Variants in SLC4A4 observed in about 807,000 individuals in gnomAD.
SLC4A4 encodes electrogenic sodium bicarbonate cotransporter 1.
In SLC4A4, 27 loss-of-function variants were observed where a neutral mutation model predicts 111.5. That is an observed-to-expected ratio of 0.24 (90% confidence interval 0.18 to 0.33). SLC4A4 has a LOEUF of 0.33. Ranked by LOEUF, SLC4A4 falls within the 10% of genes least tolerant of loss-of-function variation. The pLI is 1.00. For missense variants in SLC4A4, 909 were observed against 1,315.5 expected (o/e 0.69, Z 4.78); for synonymous variants, 443 against 463.4 (o/e 0.96, Z 0.57).
chr4:71,550,408 CAGG>C (rs1735883710), intron 20 of SLC4A4, among the ~76,000 whole-genome samples: 1 of 151,846 alleles, frequency 6.6e-6, no homozygotes, highest in Non-Finnish European at 1.5e-5. Context: ...AAAGTCAATA[CAGG>C]AAGAAGCAGA....
chr4:71,552,722 G>A (rs1003672698), intron 20 of SLC4A4, among the ~76,000 whole-genome samples: 3 of 151,604 alleles, frequency 2.0e-5, no homozygotes, highest in African/African-American at 7.3e-5. Flanking sequence ...GGTATGATTG[G>A]TTATCCATAA....
In SLC4A4 at chr4:71,356,198, G is replaced by A. The variant is rs141163092; in HGVS notation, c.551-810G>A. Among the ~76,000 whole-genome samples, 581 of 152,200 alleles carry A rather than the reference G, an allele frequency of 3.8e-3. 4 individuals are homozygous for A. Among genetic ancestry groups the A allele is most frequent in the African/African-American group, 0.013 (558 of 41,514 alleles). On this transcript the variant is annotated intron_variant, in intron 5 of 25. Transcript: ENST00000264485. ...AAAGAGGGTTTCTTATTTTCTATTG[G>A]CATAAGAACTTACCTTCCAGCAGAG... is the stretch of plus-strand genomic sequence containing the variant.
At chr4:71,415,008 G>A (rs1395099499) in intron 7 of SLC4A4, among the ~76,000 whole-genome samples, 1 of 152,196 alleles carries the variant, frequency 6.6e-6, no homozygotes, top group East Asian at 1.9e-4. Context: ...GTTATCATGA[G>A]GAATTATATT....
chr4:71,567,764 C>CTT, intron 25 of SLC4A4, 24 bp from the exon 26 acceptor site: 19 of 1,055,676 alleles, frequency 1.8e-5, no homozygotes, highest in South Asian at 3.3e-5. Context: ...TTACTTACTA[C>CTT]TTTTTTTTTT....
chr4:71,317,516 A>G (rs1348208636), intron 3 of SLC4A4, among the ~76,000 whole-genome samples: 1 of 152,156 alleles, frequency 6.6e-6, no homozygotes, highest in Non-Finnish European at 1.5e-5. Flanking sequence ...GAAAAGTTTA[A>G]TACTCATTGC....
intron 2 of SLC4A4, among the ~76,000 whole-genome samples, chr4:71,168,486 T>C (rs1373398166): frequency 6.6e-6 from 1 of 152,136 alleles, no homozygotes; most frequent in Non-Finnish European, 1.5e-5. Flanking sequence ...TCTGGCCTCT[T>C]TTAAATGTAC....
intron 2 of SLC4A4, among the ~76,000 whole-genome samples, chr4:71,143,885 A>G (rs907672134): frequency 9.9e-5 from 15 of 152,010 alleles, no homozygotes; most frequent in African/African-American, 3.4e-4. Flanking sequence ...ATTTTCTCCC[A>G]TTCTGTAGGT....
chr4:71,157,852 C>G (rs1047989806), intron 2 of SLC4A4, among the ~76,000 whole-genome samples: 3 of 152,058 alleles, frequency 2.0e-5, no homozygotes, highest in African/African-American at 4.8e-5. Flanking sequence ...AGGAAAGCAA[C>G]AGTGGGAAGA....
chr4:71,249,180 T>A (rs1244268531), intron 2 of SLC4A4, among the ~76,000 whole-genome samples: 1 of 152,106 alleles, frequency 6.6e-6, no homozygotes, highest in African/African-American at 2.4e-5. Context: ...AGAAAAGTAT[T>A]TCCCTGTTTT....
At chr4:71,400,502 G>T (rs758727959) in intron 7 of SLC4A4, among the ~76,000 whole-genome samples, 126 of 152,218 alleles carry the variant, frequency 8.3e-4, no homozygotes, top group Non-Finnish European at 4.3e-4. Context: ...AGCAAAGGAA[G>T]GTTGATGAAT....
Position 71,567,984 on chromosome 4 carries a change from C to T in SLC4A4, c.*233C>T. The T allele has an allele frequency of 1.2e-6, 1 of 816,072 alleles. No homozygotes were observed. The highest frequency in any genetic ancestry group is 2.0e-6 in the Non-Finnish European group (1 of 501,332). The allele number at this position is 816,072 out of a possible 1,614,324, so 50.6% of individuals were successfully genotyped here. ...TTATTTTTTAACTTTTATTTCGTCT[C>T]AGTTTTTGGTCACAGGCCAAATAAT... On this transcript the variant is annotated 3_prime_UTR_variant, in exon 26 of 26. Transcript: ENST00000264485.
Position 71,357,062 on chromosome 4 carries a change from A to G in SLC4A4, c.605A>G (p.Asp202Gly). The G allele has an allele frequency of 6.2e-7, 1 of 1,614,148 alleles. No individual in the cohort carries two copies. Among genetic ancestry groups the G allele is most frequent in the African/African-American group, 1.3e-5 (1 of 75,050 alleles). The change falls in exon 6 of 26, where the codon GAT becomes GGT. Residue 202 changes from aspartate to glycine, a missense_variant. Transcript: ENST00000264485. ...GGCCTATTGAAACCTGAACTTAAGG[A>G]TAAGGTGACCTATACTTTGCTCCGG... ...ETGLLKPELK[D>G]KVTYTLLRKH...
At chr4:71,495,229 G>A (rs1381393183) in intron 15 of SLC4A4, among the ~76,000 whole-genome samples, 1 of 152,084 alleles carries the variant, frequency 6.6e-6, no homozygotes, top group East Asian at 1.9e-4. Context: ...CTGAATCTCT[G>A]TAAGAAAATC....
Position 71,397,618 on chromosome 4 carries a change from C to T in SLC4A4, c.772C>T (p.Leu258=), listed in dbSNP as rs766446925. 6.2e-7 allele frequency: 1 copy of T among 1,613,982 alleles called. No homozygotes were observed. Among genetic ancestry groups the T allele is most frequent in the Non-Finnish European group, 8.5e-7 (1 of 1,179,908 alleles). ...CCATAGGAATCTGACTTCCTCCAGT[C>T]TGAATGACATTTCTGATAAACCGGA... ...MTHRNLTSSS[L]NDISDKPEKD... The change falls in exon 7 of 26, where the codon CTG becomes TTG. Residue 258 remains leucine (L), a synonymous_variant. Transcript: ENST00000264485.
chr4:71,560,066 T>C (rs775073496), intron 22 of SLC4A4, 27 bp from the exon 23 acceptor site: 1 of 1,571,638 alleles, frequency 6.4e-7, no homozygotes, highest in South Asian at 1.1e-5. Context: ...ATGGTTTCTT[T>C]CATACTTTTA....
At position 71,229,836 on chromosome 4, in the gene SLC4A4, C is replaced by T. The variant is rs62304064; in HGVS notation, c.-1-6740C>T. Among the ~76,000 whole-genome samples the T allele has an allele frequency of 1.4e-5, 2 of 146,668 alleles. 1 individual carries two copies. The highest frequency in any genetic ancestry group is 5.0e-5 in the African/African-American group (2 of 39,714). On this transcript the variant is annotated intron_variant, in intron 1 of 25. Transcript: ENST00000264485. ...AGTTTTTTTTTTTTTTTTTTTTTCC[C>T]AGCCCCTGTGAAATTTTAAAAGGAA...
At chr4:71,473,467 G>A (rs115141076) in intron 14 of SLC4A4, 6,568 of 208,168 alleles carry the variant, frequency 0.032, 191 homozygotes, top group Non-Finnish European at 0.042. Flanking sequence ...ATTCAGATTG[G>A]AATTGCCTAC....
intron 2 of SLC4A4, among the ~76,000 whole-genome samples, chr4:71,158,602 T>G (rs1355180661): frequency 6.6e-6 from 1 of 152,196 alleles, no homozygotes; most frequent in Non-Finnish European, 1.5e-5. Context: ...CCAAGTCCCT[T>G]TAGCCTTGTA....
intron 5 of SLC4A4, among the ~76,000 whole-genome samples, chr4:71,350,466 C>T (rs954047671): frequency 6.6e-6 from 1 of 151,992 alleles, no homozygotes; most frequent in South Asian, 2.1e-4. Context: ...CAACCTCTGC[C>T]TCCTGGGTTC....
Sources: allele counts gnomAD v4.1 joint callset (sites outside exome capture counted in the v4.1 genomes callset), GRCh38; gene constraint gnomAD v4.1.1; transcripts MANE v1.5; gene names NCBI Gene and HGNC (gene_info 2026-07-23, HGNC 2026-07-21).